Variants in SOX5 observed in about 807,000 individuals in gnomAD.
The protein encoded by SOX5 is SRY-box transcription factor 5.
Under a neutral mutation model 92.0 loss-of-function variants are expected in SOX5, and 9 were observed. The ratio of observed to expected loss-of-function variants is 0.10; its 90% CI spans 0.06 to 0.17. The LOEUF (loss-of-function observed/expected upper bound fraction) is 0.17, where lower values mean the gene tolerates loss of function less well. SOX5 is among the 10% of genes least tolerant of loss of function. The pLI is 1.00. For missense variants in SOX5, 642 were observed against 944.5 expected, an observed-to-expected ratio of 0.68 and a Z score of 4.20; for synonymous variants, 344 against 336.3, an observed-to-expected ratio of 1.02 and a Z score of -0.25.
intron 4 of SOX5, among the ~76,000 whole-genome samples, chr12:24,068,704 G>GTGTGTGTGTGTGTGTA (rs1444359956): frequency 4.0e-5 from 3 of 74,320 alleles, no homozygotes; most frequent in Non-Finnish European, 7.3e-5. Flanking sequence ...GTGTGTGTGT[G>GTGTGTGTGTGTGTGTA]TATATATATA....
At chr12:23,782,044 T>G (rs1369322553) in intron 3 of SOX5, among the ~76,000 whole-genome samples, 5 of 152,034 alleles carry the variant, frequency 3.3e-5, no homozygotes, top group African/African-American at 1.2e-4. Flanking sequence ...AGCATTACAC[T>G]CAGCATATAG....
At chr12:23,880,775 C>A (rs2096979880) in intron 2 of SOX5, among the ~76,000 whole-genome samples, 1 of 152,114 alleles carries the variant, frequency 6.6e-6, no homozygotes, top group Non-Finnish European at 1.5e-5. Flanking sequence ...GAGATCATCA[C>A]CAAGCAAATC....
At chr12:23,936,097 A>G (rs1328772469) in intron 1 of SOX5, among the ~76,000 whole-genome samples, 1 of 151,052 alleles carries the variant, frequency 6.6e-6, no homozygotes, top group Admixed American at 6.6e-5. Flanking sequence ...CTGGCACATA[A>G]TAAGTACATA....
At chr12:24,058,324 T>A (rs1474827808) in intron 4 of SOX5, among the ~76,000 whole-genome samples, 1 of 152,042 alleles carries the variant, frequency 6.6e-6, no homozygotes, top group African/African-American at 2.4e-5. Flanking sequence ...AAAAAAAAAA[T>A]TCTCTTTCAC....
chr12:24,144,888 A>G (rs548506959), intron 4 of SOX5, among the ~76,000 whole-genome samples: 80 of 152,238 alleles, frequency 5.3e-4, no homozygotes, highest in African/African-American at 1.8e-3. Flanking sequence ...ATACTATTTG[A>G]AAGTTCTCAT....
intron 1 of SOX5, among the ~76,000 whole-genome samples, chr12:24,457,331 T>G (rs1943129923): frequency 6.6e-6 from 1 of 150,934 alleles, no homozygotes; most frequent in African/African-American, 2.5e-5. Context: ...CTAAAACCTG[T>G]TTTTTTTAAA....
At chr12:23,945,836 TTTG>T (rs1408149190) in intron 1 of SOX5, among the ~76,000 whole-genome samples, 8 of 152,098 alleles carry the variant, frequency 5.3e-5, no homozygotes, top group African/African-American at 1.7e-4. Flanking sequence ...AACGGATTTT[TTTG>T]TTGTTGTTGT....
At chr12:24,386,637 T>C (rs1184600937) in intron 1 of SOX5, among the ~76,000 whole-genome samples, 1 of 152,190 alleles carries the variant, frequency 6.6e-6, no homozygotes, top group Non-Finnish European at 1.5e-5. Flanking sequence ...GGGGAATACC[T>C]GTCAGAACAA....
At chr12:24,416,223 G>C (rs1216366213) in intron 1 of SOX5, among the ~76,000 whole-genome samples, 5 of 152,200 alleles carry the variant, frequency 3.3e-5, no homozygotes, top group South Asian at 4.1e-4. Context: ...GGAGCTCTAA[G>C]AAGCAGGTCT....
chr12:24,538,209 C>T (rs1169536381), intron 1 of SOX5, among the ~76,000 whole-genome samples: 2 of 152,254 alleles, frequency 1.3e-5, no homozygotes, highest in African/African-American at 2.4e-5. Context: ...TTAACCCAGA[C>T]GCTGAAGTGC....
chr12:23,987,304 G>GACTAGCAA (rs1361689662), intron 4 of SOX5, among the ~76,000 whole-genome samples: 4 of 152,186 alleles, frequency 2.6e-5, no homozygotes, highest in Admixed American at 2.6e-4. Context: ...CATTTAGGCT[G>GACTAGCAA]GGATCTGACT....
intron 1 of SOX5, among the ~76,000 whole-genome samples, chr12:24,506,414 A>AC (rs1948744907): frequency 1.0e-5 from 1 of 99,064 alleles, no homozygotes; most frequent in African/African-American, 4.2e-5. Flanking sequence ...TACAAAAAAA[A>AC]AAAAAGAGAG....
chr12:24,080,363 A>G (rs962271918), intron 4 of SOX5, among the ~76,000 whole-genome samples: 2 of 152,006 alleles, frequency 1.3e-5, no homozygotes, highest in Non-Finnish European at 2.9e-5. Flanking sequence ...TGAATATCAA[A>G]TTAAAATTTG....
At chr12:24,281,237 G>GAAAA (rs71448005) in intron 2 of SOX5, among the ~76,000 whole-genome samples, 67 of 97,224 alleles carry the variant, frequency 6.9e-4, no homozygotes, top group Middle Eastern at 5.4e-3. Context: ...TTACCAAAAG[G>GAAAA]AAAAAAAAAA....
At chr12:24,225,142 T>C (rs1239857384) in intron 3 of SOX5, among the ~76,000 whole-genome samples, 1 of 152,210 alleles carries the variant, frequency 6.6e-6, no homozygotes, top group Non-Finnish European at 1.5e-5. Flanking sequence ...TAAACCTCAT[T>C]GTGACACGAA....
At chr12:24,397,782 C>T (rs1258549883) in intron 1 of SOX5, among the ~76,000 whole-genome samples, 1 of 151,796 alleles carries the variant, frequency 6.6e-6, no homozygotes, top group Non-Finnish European at 1.5e-5. Flanking sequence ...ATGCTTTTTC[C>T]CCTACACTTA....
At chr12:24,257,550 C>T (rs1259051834) in intron 3 of SOX5, among the ~76,000 whole-genome samples, 1 of 152,070 alleles carries the variant, frequency 6.6e-6, no homozygotes, top group African/African-American at 2.4e-5. Context: ...CTCACTTCAA[C>T]CTCTGCCTAC....
chr12:23,797,259 G>A (rs116934533), intron 3 of SOX5, among the ~76,000 whole-genome samples: 75 of 151,840 alleles, frequency 4.9e-4, no homozygotes, highest in Non-Finnish European at 7.8e-4. Context: ...AAACCTGCAG[G>A]GTTTCTCTTT....
chr12:23,710,328 T>C (rs2091915902), intron 6 of SOX5, among the ~76,000 whole-genome samples: 1 of 152,174 alleles, frequency 6.6e-6, no homozygotes, highest in African/African-American at 2.4e-5. Flanking sequence ...GCCATGTTGG[T>C]GTGCTGCACC....
Sources: gnomAD v4.1 joint callset for allele counts (sites outside exome capture counted in the v4.1 genomes callset) on GRCh38, gnomAD v4.1.1 for gene constraint, MANE v1.5 for transcripts, NCBI Gene and HGNC (gene_info 2026-07-23, HGNC 2026-07-21) for gene names.